PWWP2B: variants seen among roughly 807,000 people sequenced by gnomAD.
PWWP2B encodes the protein PWWP domain-containing protein 2B.
Under a neutral mutation model 15.5 loss-of-function variants are expected in PWWP2B, and 9 were observed. That is an observed-to-expected ratio of 0.58 (90% confidence interval 0.35 to 1.02). PWWP2B has a LOEUF of 1.02. Among genes scored for constraint, PWWP2B ranks in the 50% least tolerant of loss-of-function variants. The pLI is 0.02. For synonymous variants in PWWP2B, 474 were observed against 403.6 expected (o/e 1.17, Z -2.09); for missense variants, 864 against 865.3 (o/e 1.00, Z 0.02).
At chr10:132,415,493 TCA>T (rs146296023) in intron 2 of PWWP2B, among the ~76,000 whole-genome samples, 12 of 122,100 alleles carry the variant, frequency 9.8e-5, no homozygotes, top group South Asian at 4.9e-4. Flanking sequence ...ACACACCCAC[TCA>T]CACACATCCA....
chr10:132,415,558 C>A (rs2069838753), intron 2 of PWWP2B, among the ~76,000 whole-genome samples: 1 of 137,960 alleles, frequency 7.2e-6, no homozygotes, highest in South Asian at 2.1e-4. Context: ...CACATTCACA[C>A]AAACACACAT....
In PWWP2B at chr10:132,405,467, C is replaced by T. The variant is rs1223896299; in HGVS notation, c.967C>T (p.Pro323Ser). Residue 323 changes from proline (P) to serine (S), a missense_variant, in exon 2 of 3, where the codon CCG becomes TCG. By Grantham distance (74) the Pro-to-Ser change is moderately conservative. This residue lies in a region of PWWP2B where 736 missense variants were observed against 687.7 expected (regional missense o/e 1.07). Transcript: ENST00000305233. ...CAAGTTGAAACTGACACGGCCTGTG[C>T]CGGCCGGCGCGGACCTGCCGCCCCC... The part of the protein sequence containing the change: ...IPKLKLTRPV[P>S]AGADLPPPKI... The T allele has an allele frequency of 1.9e-6, 3 of 1,606,054 alleles. No individual in the cohort carries two copies. Among genetic ancestry groups the T allele is most frequent in the African/African-American group, 2.7e-5 (2 of 74,924 alleles).
At chr10:132,412,479 C>T (rs768100564) in intron 2 of PWWP2B, among the ~76,000 whole-genome samples, 1 of 152,134 alleles carries the variant, frequency 6.6e-6, no homozygotes, top group African/African-American at 2.4e-5. Flanking sequence ...CTTCAGGGGC[C>T]GTGGGAGCTC....
rs201159801 is a variant in PWWP2B at position 132,406,222 on chromosome 10, A to G, written c.1722A>G (p.Ala574=). The change falls in exon 2 of 3, where the codon GCA becomes GCG. Residue 574 remains alanine, a synonymous_variant. Coordinates refer to ENST00000305233, the MANE Select transcript of PWWP2B (RefSeq NM_138499.4). ...RKAITEAANA[A]RHVAPEIREL... ...CTATAACCGAGGCTGCAAATGCCGC[A>G]AGACACGTGGCCCCGGAAATCAGGG... 7 of 1,612,362 alleles carry G rather than the reference A, an allele frequency of 4.3e-6. No homozygotes were observed. The East Asian group carries it at 1.6e-4, about 36-fold the overall frequency.
rs2069681888 is a variant in PWWP2B, at chr10:132,405,460, G to C, written c.960G>C (p.Arg320=). The change falls in exon 2 of 3, where the codon CGG becomes CGC. Residue 320 remains arginine, a synonymous_variant. Coordinates refer to ENST00000305233, the MANE Select transcript of PWWP2B (RefSeq NM_138499.4). ...CCATCCCCAAGTTGAAACTGACACG[G>C]CCTGTGCCGGCCGGCGCGGACCTGC... is the stretch of plus-strand genomic sequence containing the variant. ...SASIPKLKLT[R]PVPAGADLPP... is the part of the protein sequence containing the mutation. The C allele has an allele frequency of 6.2e-7, 1 of 1,607,122 alleles. No homozygotes were observed.
At position 132,417,180 on chromosome 10, in the gene PWWP2B, G is replaced by A; in HGVS notation, c.*136G>A. On this transcript the variant is annotated 3_prime_UTR_variant, in exon 3 of 3. Coordinates refer to ENST00000305233, the MANE Select transcript of PWWP2B (RefSeq NM_138499.4). ...CTGGGCACGGTGGTCGGCCTGGTGT[G>A]AGGCCCCCCGGGGACCGGCAGTGTG... 2 of 1,346,260 alleles carry A rather than the reference G, an allele frequency of 1.5e-6. No individual in the cohort carries two copies. Among genetic ancestry groups the A allele is most frequent in the Admixed American group, 3.4e-5 (2 of 59,088 alleles). 83.4% of individuals were successfully genotyped at this position (1,346,260 alleles called of 1,614,324 possible).
intron 1 of PWWP2B, among the ~76,000 whole-genome samples, chr10:132,402,801 T>A (rs1406857629): frequency 6.6e-6 from 1 of 152,248 alleles, no homozygotes; most frequent in East Asian, 1.9e-4. Flanking sequence ...AGTCGCCGGC[T>A]TGGGTGGCCC....
Position 132,405,616 on chromosome 10 carries a change from C to G in PWWP2B, c.1116C>G (p.Gly372=). ...RDSSPAPCAD[G]PAGGLADLSS... ...GCTCGCCGGCGCCCTGTGCGGACGG[C>G]CCTGCCGGTGGGCTGGCGGACTTGT... Residue 372 remains glycine (G), a synonymous_variant, in exon 2 of 3, where the codon GGC becomes GGG. Coordinates refer to ENST00000305233, the MANE Select transcript of PWWP2B (RefSeq NM_138499.4). The G allele has an allele frequency of 6.2e-7, 1 of 1,611,964 alleles. No homozygotes were observed. The highest frequency in any genetic ancestry group is 2.2e-5 in the East Asian group (1 of 44,866).
chr10:132,415,527 T>A (rs1564878733), intron 2 of PWWP2B, among the ~76,000 whole-genome samples: 2 of 119,994 alleles, frequency 1.7e-5, no homozygotes, highest in African/African-American at 3.8e-5. Context: ...ACATCCACTG[T>A]CACACACACG....
intron 1 of PWWP2B, among the ~76,000 whole-genome samples, chr10:132,398,031 C>G (rs1381687717): frequency 6.6e-6 from 1 of 152,204 alleles, no homozygotes; most frequent in African/African-American, 2.4e-5. Context: ...CCATGCGGTG[C>G]AGATGAGCCT....
chr10:132,398,736 G>A (rs949385871), intron 1 of PWWP2B, among the ~76,000 whole-genome samples: 8 of 152,220 alleles, frequency 5.3e-5, no homozygotes, highest in Non-Finnish European at 8.8e-5. Flanking sequence ...GACCCCCGGC[G>A]TGGGAACTGG....
chr10:132,414,656 T>C (rs1165293112), intron 2 of PWWP2B, among the ~76,000 whole-genome samples: 1 of 152,236 alleles, frequency 6.6e-6, no homozygotes, highest in Non-Finnish European at 1.5e-5. Flanking sequence ...TCAGTTTGCC[T>C]TGTTACAGCT....
intron 2 of PWWP2B, among the ~76,000 whole-genome samples, chr10:132,407,130 C>T (rs1042313270): frequency 4.6e-5 from 7 of 152,130 alleles, no homozygotes; most frequent in South Asian, 2.1e-4. Flanking sequence ...GTGGGGCATC[C>T]GGAGCCTGCC....
intron 1 of PWWP2B, among the ~76,000 whole-genome samples, chr10:132,397,963 CGCAGG>C (rs2069560811): frequency 6.6e-6 from 1 of 152,182 alleles, no homozygotes; most frequent in Middle Eastern, 3.4e-3. Flanking sequence ...GGGTGGGGGG[CGCAGG>C]GCAGGGCGGG....
intron 2 of PWWP2B, among the ~76,000 whole-genome samples, chr10:132,415,324 ACCCCCC>A (rs374918831): frequency 6.9e-6 from 1 of 144,550 alleles, no homozygotes. Flanking sequence ...ATCCACACAC[ACCCCCC>A]CACACACATA....
chr10:132,410,527 G>A (rs2069764732), intron 2 of PWWP2B, among the ~76,000 whole-genome samples: 1 of 152,184 alleles, frequency 6.6e-6, no homozygotes, highest in Non-Finnish European at 1.5e-5. Context: ...TGAGGGGCTC[G>A]GGACCTTGCC....
At position 132,405,929 on chromosome 10, in the gene PWWP2B, G is replaced by T. The variant is rs367621280; in HGVS notation, c.1429G>T (p.Val477Leu). The T allele has an allele frequency of 2.8e-5, 45 of 1,613,188 alleles. No homozygotes were observed. The highest frequency in any genetic ancestry group is 3.3e-5 in the Non-Finnish European group (39 of 1,180,000). Reference sequence around the variant, plus strand: ...GACGGTCAGGCTGCACACACAGAGCGTGTCGGAGTGCATCACGGAGGACGG... The same window carrying T: ...GACGGTCAGGCTGCACACACAGAGCTTGTCGGAGTGCATCACGGAGGACGG... ...PLTVRLHTQS[V>L]SECITEDGRT... The change falls in exon 2 of 3, where the codon GTG (valine) becomes TTG (leucine). Residue 477 changes from valine (V) to leucine (L), a missense_variant. Around this residue, in one of 2 missense-constraint regions of PWWP2B, gnomAD observed 128 missense variants for 177.6 expected, o/e 0.72. Transcript: ENST00000305233.
intron 1 of PWWP2B, among the ~76,000 whole-genome samples, chr10:132,399,399 G>C (rs959392575): frequency 4.6e-5 from 7 of 152,238 alleles, no homozygotes; most frequent in Admixed American, 2.6e-4. Flanking sequence ...CGGGAATGGC[G>C]GCCCCGCTCA....
intron 1 of PWWP2B, among the ~76,000 whole-genome samples, chr10:132,404,032 C>CTGGGCTCCTG (rs2069647551): frequency 1.7e-5 from 1 of 58,284 alleles, no homozygotes; most frequent in African/African-American, 8.4e-5. Context: ...ACGGCATTCT[C>CTGGGCTCCTG]CAGGGCTCCT....
Sources: gnomAD v4.1 joint callset for allele counts (sites outside exome capture counted in the v4.1 genomes callset) on GRCh38, gnomAD v4.1.1 for gene constraint, gnomAD v4.1.1 regional missense constraint, MANE v1.5 for transcripts, NCBI Gene and HGNC (gene_info 2026-07-23, HGNC 2026-07-21) for gene names.